STPG2: variants seen among roughly 807,000 people sequenced by gnomAD.
The protein encoded by STPG2 is sperm-tail PG-rich repeat-containing protein 2.
STPG2 carries 56 observed loss-of-function variants against 54.2 expected under a neutral mutation model. The observed-to-expected ratio is 1.03, with a 90% CI of 0.83 to 1.29. The LOEUF (loss-of-function observed/expected upper bound fraction) is 1.29, where lower values mean the gene tolerates loss of function less well. STPG2 is among the 50% of genes most tolerant of loss of function. The probability of loss-of-function intolerance (pLI) is 0.00; values close to 1 mark genes in which losing one functional copy is unlikely to be tolerated. For synonymous variants in STPG2, 200 were observed against 181.8 expected, an observed-to-expected ratio of 1.10 and a Z score of -0.81; for missense variants, 596 against 544.9, an observed-to-expected ratio of 1.09 and a Z score of -0.93.
chr4:98,045,630 AC>A lies in STPG2; in HGVS notation c.612+60322del, dbSNP rs551639117. ...TTTGCTCATATAGTATTTGGGGGTG[AC>A]CATTTTTTTCTTTTAGCACTTTGAT... On this transcript the variant is annotated intron_variant, in intron 5 of 10. Coordinates refer to ENST00000295268, the MANE Select transcript of STPG2 (RefSeq NM_174952.3). Among the ~76,000 whole-genome samples the A allele has an allele frequency of 1.5e-3, 221 of 152,142 alleles. 1 individual carries two copies. Among genetic ancestry groups the A allele is most frequent in the African/African-American group, 5.3e-3 (219 of 41,514 alleles).
At chr4:97,995,439 C>T (rs1578765300) in intron 5 of STPG2, among the ~76,000 whole-genome samples, 2 of 152,278 alleles carry the variant, frequency 1.3e-5, no homozygotes, top group East Asian at 1.9e-4. Flanking sequence ...CAAGTGGAAG[C>T]TGCAAGTTAG....
chr4:97,891,904 T>C (rs1198415516), intron 8 of STPG2, among the ~76,000 whole-genome samples: 3 of 152,130 alleles, frequency 2.0e-5, no homozygotes, highest in African/African-American at 4.8e-5. Context: ...GAAACCATTA[T>C]GTCTACCTTT....
chr4:97,651,530 C>A (rs1722067834), intron 10 of STPG2, among the ~76,000 whole-genome samples: 1 of 151,886 alleles, frequency 6.6e-6, no homozygotes, highest in Non-Finnish European at 1.5e-5. Context: ...ACTTAAATAC[C>A]TAAATGATGC....
chr4:97,649,061 C>T (rs1721992379), intron 10 of STPG2, among the ~76,000 whole-genome samples: 1 of 152,120 alleles, frequency 6.6e-6, no homozygotes, highest in Non-Finnish European at 1.5e-5. Context: ...AATTACAGAA[C>T]TCCTCACTAA....
intron 10 of STPG2, among the ~76,000 whole-genome samples, chr4:97,643,417 T>C (rs969100140): frequency 2.0e-5 from 3 of 151,294 alleles, no homozygotes; most frequent in Non-Finnish European, 3.0e-5. Context: ...CTGATGCATA[T>C]CATCTTAATT....
chr4:97,795,004 A>G (rs1050349712), intron 9 of STPG2, among the ~76,000 whole-genome samples: 1 of 152,148 alleles, frequency 6.6e-6, no homozygotes, highest in African/African-American at 2.4e-5. Flanking sequence ...CAGAAAAAAA[A>G]TACAGCCACT....
intron 9 of STPG2, among the ~76,000 whole-genome samples, chr4:97,715,472 A>C (rs1369854633): frequency 1.3e-5 from 2 of 152,118 alleles, no homozygotes; most frequent in Non-Finnish European, 2.9e-5. Context: ...CAGGGCAAAA[A>C]TGGAACATAA....
intron 10 of STPG2, among the ~76,000 whole-genome samples, chr4:97,564,865 C>G (rs1732381301): frequency 6.6e-6 from 1 of 152,168 alleles, no homozygotes; most frequent in Non-Finnish European, 1.5e-5. Context: ...CTGCCGTTAA[C>G]ATTTTTTCCT....
intron 8 of STPG2, among the ~76,000 whole-genome samples, chr4:97,864,003 C>T (rs929460874): frequency 2.6e-5 from 4 of 152,116 alleles, no homozygotes; most frequent in Non-Finnish European, 5.9e-5. Flanking sequence ...ACTCCATGGA[C>T]AAAAACTGGA....
intron 9 of STPG2, among the ~76,000 whole-genome samples, chr4:97,736,899 C>T (rs1725018789): frequency 1.3e-5 from 2 of 152,218 alleles, no homozygotes; most frequent in Admixed American, 6.5e-5. Context: ...AATGGGCAGA[C>T]TGCCTTGTCA....
intron 9 of STPG2, among the ~76,000 whole-genome samples, chr4:97,832,548 T>C (rs946867004): frequency 3.3e-5 from 5 of 152,148 alleles, no homozygotes; most frequent in Admixed American, 3.3e-4. Flanking sequence ...ATAAAGGGTA[T>C]TCAAATAGGA....
At chr4:98,093,357 A>G (rs1738748545) in intron 5 of STPG2, among the ~76,000 whole-genome samples, 1 of 152,204 alleles carries the variant, frequency 6.6e-6, no homozygotes, top group Admixed American at 6.5e-5. Flanking sequence ...TACATGTACA[A>G]ATTAAGTAAA....
chr4:98,078,852 T>C (rs1269161593), intron 5 of STPG2, among the ~76,000 whole-genome samples: 1 of 152,156 alleles, frequency 6.6e-6, no homozygotes, highest in African/African-American at 2.4e-5. Context: ...AGATTTTAAA[T>C]ATCTTAAATT....
chr4:97,611,791 G>T (rs1481303665), intron 10 of STPG2, among the ~76,000 whole-genome samples: 1 of 151,552 alleles, frequency 6.6e-6, no homozygotes, highest in African/African-American at 2.4e-5. Context: ...TTACCTCACA[G>T]TACAAAATAA....
chr4:97,986,939 T>C (rs1449701561), intron 5 of STPG2, among the ~76,000 whole-genome samples: 1 of 152,214 alleles, frequency 6.6e-6, no homozygotes, highest in Non-Finnish European at 1.5e-5. Context: ...GGTGTCATAC[T>C]TTCTATCTTC....
chr4:97,494,473 T>C (rs1336068408), intron 4 of STPG2, among the ~76,000 whole-genome samples: 1 of 151,512 alleles, frequency 6.6e-6, no homozygotes, highest in Non-Finnish European at 1.5e-5. Flanking sequence ...TGCCTACAGC[T>C]CTGCTCTCTT....
chr4:97,866,722 T>A (rs1372248293), intron 8 of STPG2, among the ~76,000 whole-genome samples: 1 of 152,024 alleles, frequency 6.6e-6, no homozygotes, highest in Non-Finnish European at 1.5e-5. Context: ...ACTATAAAGC[T>A]GAAAACTGTA....
At chr4:97,578,445 A>T (rs1386606164) in intron 10 of STPG2, among the ~76,000 whole-genome samples, 2 of 152,128 alleles carry the variant, frequency 1.3e-5, no homozygotes, top group African/African-American at 4.8e-5. Flanking sequence ...TTGCATCTGA[A>T]GAAGGGAGCA....
intron 10 of STPG2, among the ~76,000 whole-genome samples, chr4:97,648,621 AC>A (rs1721979774): frequency 6.6e-6 from 1 of 152,124 alleles, no homozygotes; most frequent in African/African-American, 2.4e-5. Context: ...TTTTGTTCTT[AC>A]CATTTTTAGT....
Sources: allele counts gnomAD v4.1 joint callset (sites outside exome capture counted in the v4.1 genomes callset), GRCh38; gene constraint gnomAD v4.1.1; transcripts MANE v1.5; gene names NCBI Gene and HGNC (gene_info 2026-07-23, HGNC 2026-07-21).